TRPM3: variants seen among roughly 807,000 people sequenced by gnomAD.
The protein encoded by TRPM3 is long transient receptor potential channel 3.
TRPM3 carries 77 observed loss-of-function variants against 181.2 expected under a neutral mutation model. The ratio of observed to expected loss-of-function variants is 0.42; its 90% CI spans 0.35 to 0.51. TRPM3 has a LOEUF of 0.51. Among genes scored for constraint, TRPM3 ranks in the 20% least tolerant of loss-of-function variants. TRPM3 has a pLI of 0.01. For synonymous variants in TRPM3, 745 were observed against 796.4 expected, an observed-to-expected ratio of 0.94 and a Z score of 1.09; for missense variants, 1,759 against 2,196.7, an observed-to-expected ratio of 0.80 and a Z score of 3.98.
chr9:70,830,905 C>T (rs573576133), intron 5 of TRPM3, among the ~76,000 whole-genome samples: 5 of 152,114 alleles, frequency 3.3e-5, no homozygotes, highest in South Asian at 4.2e-4. Context: ...AACTATAAGC[C>T]GATTTTTCAA....
intron 1 of TRPM3, among the ~76,000 whole-genome samples, chr9:70,889,351 T>A (rs1411057992): frequency 6.6e-6 from 1 of 152,156 alleles, no homozygotes; most frequent in Non-Finnish European, 1.5e-5. Flanking sequence ...CGGCTGAAAG[T>A]ATGAGGCACC....
At chr9:70,779,472 C>CT (rs1219056952) in intron 7 of TRPM3, among the ~76,000 whole-genome samples, 4 of 152,072 alleles carry the variant, frequency 2.6e-5, no homozygotes, top group African/African-American at 9.7e-5. Context: ...TTCACACTGA[C>CT]TTTTTTTATG....
chr9:70,837,464 C>T (rs755698662), intron 5 of TRPM3, among the ~76,000 whole-genome samples: 2 of 152,102 alleles, frequency 1.3e-5, no homozygotes, highest in Non-Finnish European at 2.9e-5. Flanking sequence ...TGTAAATCTA[C>T]CCAAACACAA....
chr9:71,186,835 G>A (rs1340597651), intron 1 of TRPM3, among the ~76,000 whole-genome samples: 1 of 151,940 alleles, frequency 6.6e-6, no homozygotes, highest in Non-Finnish European at 1.5e-5. Context: ...ACATGAAGAT[G>A]AGCTAGCAAA....
intron 22 of TRPM3, among the ~76,000 whole-genome samples, chr9:70,577,226 G>T (rs1021754287): frequency 6.6e-6 from 1 of 152,218 alleles, no homozygotes; most frequent in Admixed American, 6.5e-5. Context: ...ATAAGTGGTT[G>T]CTAAGTAAAT....
intron 1 of TRPM3, among the ~76,000 whole-genome samples, chr9:70,872,369 A>G (rs1307999553): frequency 6.6e-6 from 1 of 151,834 alleles, no homozygotes; most frequent in Non-Finnish European, 1.5e-5. Flanking sequence ...TGGCACCATC[A>G]CTAGTTTGCC....
At chr9:71,167,718 TA>T (rs368017444) in intron 1 of TRPM3, among the ~76,000 whole-genome samples, 2 of 152,116 alleles carry the variant, frequency 1.3e-5, no homozygotes, top group African/African-American at 2.4e-5. Flanking sequence ...AGCTCTTTTT[TA>T]AAAAAAAGTT....
At chr9:71,045,735 T>C (rs546652456) in intron 1 of TRPM3, among the ~76,000 whole-genome samples, 1 of 152,290 alleles carries the variant, frequency 6.6e-6, no homozygotes, top group South Asian at 2.1e-4. Flanking sequence ...TGAAGAGTTC[T>C]AAACACAGGC....
chr9:71,153,846 C>A (rs1270324939), intron 1 of TRPM3, among the ~76,000 whole-genome samples: 3 of 152,142 alleles, frequency 2.0e-5, no homozygotes, highest in Non-Finnish European at 1.5e-5. Flanking sequence ...TGGGACCCAA[C>A]AAGTACAGTG....
At chr9:71,170,020 A>T (rs924894913) in intron 1 of TRPM3, among the ~76,000 whole-genome samples, 1 of 150,624 alleles carries the variant, frequency 6.6e-6, no homozygotes, top group East Asian at 1.9e-4. Flanking sequence ...AAAAAAAAAA[A>T]AAAATCCAAA....
chr9:71,279,022 AT>A (rs1588255376), intron 1 of TRPM3, among the ~76,000 whole-genome samples: 1 of 140,534 alleles, frequency 7.1e-6, no homozygotes, highest in East Asian at 2.2e-4. Context: ...CACCAAACTT[AT>A]CCTGCTTAGG....
rs140744960 is a variant in TRPM3 at position 71,430,679 on chromosome 9, G to T, written c.183+15974C>A. 3.3e-3 allele frequency among the ~76,000 whole-genome samples: 509 copies of T among 152,136 alleles called. 2 individuals carry two copies. Among genetic ancestry groups the T allele is most frequent in the South Asian group, 0.015 (73 of 4,808 alleles). ...ATACAAAAATTAGCTGGGCATGGTG[G>T]CGTGCACCTGTAATCCCAGCTGCTG... On this transcript the variant is annotated intron_variant, in intron 1 of 24. Transcript: ENST00000357533.
At chr9:70,788,291 T>G (rs555737320) in intron 6 of TRPM3, among the ~76,000 whole-genome samples, 3 of 151,550 alleles carry the variant, frequency 2.0e-5, no homozygotes, top group Non-Finnish European at 4.4e-5. Context: ...CTATGAATAC[T>G]TTGTTAATGG....
chr9:70,991,555 GTT>G (rs56157123), intron 1 of TRPM3, among the ~76,000 whole-genome samples: 2 of 124,530 alleles, frequency 1.6e-5, no homozygotes, highest in Non-Finnish European at 3.2e-5. Context: ...CTATGTGTCT[GTT>G]TTTTTTTTTT....
At chr9:71,426,189 G>A (rs2093859792) in intron 1 of TRPM3, among the ~76,000 whole-genome samples, 1 of 152,002 alleles carries the variant, frequency 6.6e-6, no homozygotes, top group Non-Finnish European at 1.5e-5. Context: ...CACATTATAG[G>A]CAATCAACAA....
At chr9:70,892,844 T>C (rs184380369) in intron 1 of TRPM3, among the ~76,000 whole-genome samples, 55 of 152,328 alleles carry the variant, frequency 3.6e-4, no homozygotes, top group Admixed American at 9.2e-4. Context: ...AGAAAATCAG[T>C]TGAACAACAA....
In TRPM3 at chr9:70,610,655, A is replaced by AT; in HGVS notation, c.2620dup (p.Ile874AsnfsTer3). ...GATGGGTGCATTGTAGAATTCATAGATTTTTCTGCCGAGGGGGATTAACCG... is the reference window on the plus strand; with the variant it reads ...GATGGGTGCATTGTAGAATTCATAGATTTTTTCTGCCGAGGGGGATTAACCG... On this transcript the variant is annotated frameshift_variant, in exon 19 of 26. Transcript: ENST00000677713. LOFTEE classifies it high-confidence loss of function. 1 of 1,614,032 alleles carries AT rather than the reference A, an allele frequency of 6.2e-7. No individual in the cohort carries two copies. Among genetic ancestry groups the AT allele is most frequent in the Non-Finnish European group, 8.5e-7 (1 of 1,179,986 alleles).
chr9:71,176,042 T>A (rs2077090408), intron 1 of TRPM3, among the ~76,000 whole-genome samples: 1 of 152,158 alleles, frequency 6.6e-6, no homozygotes, highest in South Asian at 2.1e-4. Flanking sequence ...TATAAAAGGA[T>A]AGACCCTATG....
chr9:71,347,658 G>A (rs919382574), intron 1 of TRPM3, among the ~76,000 whole-genome samples: 2 of 152,140 alleles, frequency 1.3e-5, no homozygotes, highest in African/African-American at 4.8e-5. Context: ...GCTCATGCCT[G>A]TAACTCCAGA....
Sources: gnomAD v4.1 joint callset for allele counts (sites outside exome capture counted in the v4.1 genomes callset) on GRCh38, gnomAD v4.1.1 for gene constraint, MANE v1.5 for transcripts, NCBI Gene and HGNC (gene_info 2026-07-23, HGNC 2026-07-21) for gene names.